The following PDE4C variants were observed in gnomAD, a reference collection of about 807,000 sequenced individuals.
PDE4C encodes the protein phosphodiesterase 4C.
Under a neutral mutation model 63.9 loss-of-function variants are expected in PDE4C, and 50 were observed. That is an observed-to-expected ratio of 0.78 (90% CI 0.62 to 0.99). The LOEUF (loss-of-function observed/expected upper bound fraction) is 0.99. PDE4C is among the 50% of genes least tolerant of loss of function. The pLI, the probability that PDE4C is intolerant of heterozygous loss-of-function variation, is 0.00. For synonymous variants in PDE4C, 377 were observed against 385.1 expected, an observed-to-expected ratio of 0.98 and a Z score of 0.25; for missense variants, 777 against 899.1, an observed-to-expected ratio of 0.86 and a Z score of 1.74.
chr19:18,231,028 C>T (rs1357786452), upstream of PDE4C, among the ~76,000 whole-genome samples: 2 of 152,186 alleles, frequency 1.3e-5, no homozygotes, highest in Non-Finnish European at 2.9e-5. Context: ...AGCTGGGGAC[C>T]CAGTGTGTAC....
Position 18,216,887 on chromosome 19 carries a change from GCT to G in PDE4C, c.1241_1242del (p.Glu414AlafsTer48). On this transcript the variant is annotated frameshift_variant, in exon 12 of 15. Coordinates refer to ENST00000262805, the Ensembl canonical transcript of PDE4C. LOFTEE classifies it high-confidence loss of function. ...GAGGCGTCGTTGTACATAAGCGCCAGCTCTGAGTCTGTGAGGGTATGGGACTG... is the reference window on the plus strand; with the variant it reads ...GAGGCGTCGTTGTACATAAGCGCCAGCTGAGTCTGTGAGGGTATGGGACTG... The G allele has an allele frequency of 6.2e-7, 1 of 1,611,672 alleles. No individual in the cohort carries two copies. Among genetic ancestry groups the G allele is most frequent in the Non-Finnish European group, 8.5e-7 (1 of 1,178,600 alleles).
chr19:18,225,115 G>A (rs1040640084), intron 1 of PDE4C, among the ~76,000 whole-genome samples: 1 of 152,178 alleles, frequency 6.6e-6, no homozygotes, highest in Non-Finnish European at 1.5e-5. Context: ...AAACTTAGCC[G>A]GGAGCGGCGG....
intron 1 of PDE4C, among the ~76,000 whole-genome samples, chr19:18,241,866 T>C (rs1386002456): frequency 6.6e-6 from 1 of 152,188 alleles, no homozygotes; most frequent in Non-Finnish European, 1.5e-5. Context: ...CCCATTTTCC[T>C]GCTGGGAAAA....
upstream of PDE4C, among the ~76,000 whole-genome samples, chr19:18,228,760 G>A (rs1968792268): frequency 6.6e-6 from 1 of 152,160 alleles, no homozygotes; most frequent in Non-Finnish European, 1.5e-5. Flanking sequence ...TTCACAGCCT[G>A]GCTCCTACCA....
chr19:18,215,831 CTT>C (rs756197005), intron 12 of PDE4C, among the ~76,000 whole-genome samples: 17 of 127,728 alleles, frequency 1.3e-4, no homozygotes, highest in Admixed American at 2.5e-4. Flanking sequence ...TTTTTCTTTT[CTT>C]TTTTTTTTTT....
chr19:18,240,836 T>C (rs1363032300), intron 1 of PDE4C, among the ~76,000 whole-genome samples: 1 of 152,186 alleles, frequency 6.6e-6, no homozygotes, highest in Non-Finnish European at 1.5e-5. Context: ...TGAGTTGAAC[T>C]TGAACTTCTG....
At chr19:18,218,169 T>C in exon 11 of PDE4C, 1 of 1,613,918 alleles carries the variant, frequency 6.2e-7, no homozygotes, top group Non-Finnish European at 8.5e-7. Context: ...CAGAAACTGG[T>C]TGGAGACCCC....
chr19:18,226,462 C>T, exon 1 of PDE4C: 1 of 1,332,082 alleles, frequency 7.5e-7, no homozygotes, highest in East Asian at 3.2e-5. Flanking sequence ...TGCGCGGGAC[C>T]TTTTCTGGAC....
chr19:18,233,890 C>T (rs573262241), upstream of PDE4C, among the ~76,000 whole-genome samples: 1 of 152,186 alleles, frequency 6.6e-6, no homozygotes, highest in Non-Finnish European at 1.5e-5. Flanking sequence ...GAGGTACGTA[C>T]AGATAGCAGT....
intron 14 of PDE4C, 35 bp downstream of exon 14, chr19:18,211,724 C>T: frequency 1.2e-6 from 2 of 1,610,152 alleles, no homozygotes; most frequent in Non-Finnish European, 1.7e-6. Flanking sequence ...TACTTCCTCC[C>T]AGTGTCTACC....
Position 18,247,600 on chromosome 19 carries a change from C to G in PDE4C, c.-210+571G>C, listed in dbSNP as rs185078145. ...CGTGAGCCACCGCGCCTGGCCAGCT[C>G]TGGGTATTTCTCAGTAGAGGGTCTC... On this transcript the variant is annotated intron_variant, in intron 1 of 15. Transcript: ENST00000594617. 6.3e-3 allele frequency among the ~76,000 whole-genome samples: 964 copies of G among 152,276 alleles called. 10 individuals carry two copies. Among genetic ancestry groups the G allele is most frequent in the African/African-American group, 0.022 (904 of 41,550 alleles).
chr19:18,233,028 C>G (rs1568264905), exon 1 of PDE4C: 2 of 1,545,522 alleles, frequency 1.3e-6, no homozygotes, highest in Middle Eastern at 1.7e-4. Flanking sequence ...CTCGCGGCAG[C>G]CCGCGGACTT....
upstream of PDE4C, among the ~76,000 whole-genome samples, chr19:18,236,438 G>C (rs913769855): frequency 2.6e-5 from 4 of 151,884 alleles, no homozygotes; most frequent in Non-Finnish European, 5.9e-5. Context: ...GACCAGGCTG[G>C]TCTCGAACTC....
chr19:18,248,308 C>G (rs1205127663), upstream of PDE4C: 1 of 435,998 alleles, frequency 2.3e-6, no homozygotes, highest in Admixed American at 2.5e-5. Flanking sequence ...GTCTGGGCAC[C>G]AGGCCAGGAC....
intron 12 of PDE4C, among the ~76,000 whole-genome samples, chr19:18,215,678 C>A (rs1968160949): frequency 6.6e-6 from 1 of 151,710 alleles, no homozygotes; most frequent in Non-Finnish European, 1.5e-5. Flanking sequence ...CCACACCCAG[C>A]TAATTTTTGT....
At chr19:18,236,420 AC>A (rs1253938810), upstream of PDE4C, among the ~76,000 whole-genome samples, 3 of 151,898 alleles carry the variant, frequency 2.0e-5, no homozygotes, top group Non-Finnish European at 4.4e-5. Flanking sequence ...ACAGGGTTTC[AC>A]CATGTTGACC....
intron 12 of PDE4C, among the ~76,000 whole-genome samples, chr19:18,216,517 C>T (rs1452708422): frequency 1.3e-5 from 2 of 152,048 alleles, no homozygotes; most frequent in Non-Finnish European, 2.9e-5. Flanking sequence ...TCAGGTGATT[C>T]GCCCGCCTCT....
At chr19:18,245,973 A>T (rs1351742552) in intron 1 of PDE4C, among the ~76,000 whole-genome samples, 1 of 150,736 alleles carries the variant, frequency 6.6e-6, no homozygotes, top group Non-Finnish European at 1.5e-5. Flanking sequence ...CCTCCCGAGT[A>T]GGTGGGATTA....
upstream of PDE4C, chr19:18,252,581 A>G: frequency 7.5e-6 from 3 of 397,710 alleles, no homozygotes; most frequent in Non-Finnish European, 1.3e-5. Flanking sequence ...CCTGGGCAAC[A>G]TAGCGAGACC....
Sources: allele counts gnomAD v4.1 joint callset (sites outside exome capture counted in the v4.1 genomes callset), GRCh38; gene constraint gnomAD v4.1.1; transcripts MANE v1.5; gene names NCBI Gene and HGNC (gene_info 2026-07-23, HGNC 2026-07-21).